The following USP15 variants were observed in gnomAD, a reference collection of about 807,000 sequenced individuals.
USP15 encodes the protein ubiquitin carboxyl-terminal hydrolase 15.
Under a neutral mutation model 127.1 loss-of-function variants are expected in USP15, and 18 were observed. That is an observed-to-expected ratio of 0.14 (90% confidence interval 0.10 to 0.21). USP15 has a LOEUF of 0.21. USP15 is among the 10% of genes least tolerant of loss of function. The pLI is 1.00. For synonymous variants in USP15, 364 were observed against 393.7 expected (o/e 0.92, Z 0.89); for missense variants, 805 against 1,159.9 (o/e 0.69, Z 4.44).
rs190745516 is a variant in USP15, at chr12:62,280,735, G to C, written c.90-13444G>C. Among the ~76,000 whole-genome samples the C allele has an allele frequency of 4.1e-3, 620 of 152,210 alleles. 7 individuals carry two copies. Among genetic ancestry groups the C allele is most frequent in the Middle Eastern group, 0.01 (3 of 294 alleles). On this transcript the variant is annotated intron_variant, in intron 1 of 21. Coordinates refer to ENST00000280377, the MANE Select transcript of USP15 (RefSeq NM_001252078.2). ...TTGAAAAGAATAAGGGAATTTTCTAGGTAGAAGGGGTTATGAGGCAGAAAA... is the reference window on the plus strand; with the variant it reads ...TTGAAAAGAATAAGGGAATTTTCTACGTAGAAGGGGTTATGAGGCAGAAAA...
In USP15 at chr12:62,260,475, A is replaced by G; in HGVS notation, c.61A>G (p.Lys21Glu). ...TQRSDIATLL[K>E]TSLRKGDTWY... ...GCGGTCTGACATCGCGACGCTGCTC[A>G]AAACCTCGCTCCGGAAAGGGGACAC... The change falls in exon 1 of 22, where the codon AAA becomes GAA. Residue 21 changes from lysine (K) to glutamate (E), a missense_variant. Coordinates refer to ENST00000280377, the MANE Select transcript of USP15 (RefSeq NM_001252078.2). 1 of 1,551,804 alleles carries G rather than the reference A, an allele frequency of 6.4e-7. No individual in the cohort carries two copies. The highest frequency in any genetic ancestry group is 8.7e-7 in the Non-Finnish European group (1 of 1,147,414).
intron 2 of USP15, among the ~76,000 whole-genome samples, chr12:62,301,550 A>G (rs1015820481): frequency 3.9e-5 from 6 of 152,288 alleles, no homozygotes; most frequent in Non-Finnish European, 8.8e-5. Context: ...GATAGATCTC[A>G]AAATAATTAC....
chr12:62,390,807 T>C (rs1206039797), intron 14 of USP15, 57 bp from the exon 15 acceptor site: 2 of 1,333,276 alleles, frequency 1.5e-6, no homozygotes, highest in Admixed American at 2.2e-5. Context: ...AGGAAAACTT[T>C]TTAAAAGTTT....
intron 6 of USP15, among the ~76,000 whole-genome samples, chr12:62,340,133 A>G (rs1262742313): frequency 6.6e-6 from 1 of 152,072 alleles, no homozygotes; most frequent in Non-Finnish European, 1.5e-5. Flanking sequence ...TGTGTCCAGG[A>G]ATTTATCCGT....
intron 2 of USP15, among the ~76,000 whole-genome samples, chr12:62,295,582 C>G (rs1253236694): frequency 6.6e-6 from 1 of 152,074 alleles, no homozygotes; most frequent in East Asian, 1.9e-4. Flanking sequence ...CAAATCTCCC[C>G]CACAAGACAT....
intron 1 of USP15, among the ~76,000 whole-genome samples, chr12:62,287,588 A>AT (rs1019750174): frequency 2.6e-5 from 4 of 151,938 alleles, no homozygotes; most frequent in Non-Finnish European, 5.9e-5. Context: ...ACTTTTGTCT[A>AT]TTTTTGTTTT....
rs1348605607 is a variant in USP15 at position 62,415,776 on chromosome 12, C to T, written c.*11401C>T. ...TATAAGGAAACCAAATCCCCATTCA[C>T]TTAAGCCATCCACTCCTACCACTGT... On this transcript the variant is annotated 3_prime_UTR_variant, in exon 22 of 22. Transcript: ENST00000280377. The T allele has an allele frequency of 1.3e-5, 2 of 152,192 alleles. No homozygotes were observed. The highest frequency in any genetic ancestry group is 2.9e-5 in the Non-Finnish European group (2 of 68,046). 9.4% of individuals were successfully genotyped at this position (152,192 alleles called of 1,614,324 possible).
chr12:62,381,692 G>T (rs1426679672), intron 9 of USP15, 29 bp downstream of exon 9: 1 of 1,591,210 alleles, frequency 6.3e-7, no homozygotes, highest in South Asian at 1.1e-5. Context: ...TTTTAGCAAG[G>T]GTACCTGCAA....
chr12:62,329,105 TGAATAGTA>T (rs2065210930), intron 6 of USP15, among the ~76,000 whole-genome samples: 1 of 152,166 alleles, frequency 6.6e-6, no homozygotes, highest in African/African-American at 2.4e-5. Flanking sequence ...TTATATTTAG[TGAATAGTA>T]GGCTGGGCAT....
intron 2 of USP15, among the ~76,000 whole-genome samples, chr12:62,296,030 C>T (rs1592523418): frequency 6.6e-6 from 1 of 152,190 alleles, no homozygotes; most frequent in Admixed American, 6.5e-5. Flanking sequence ...TTCAGAGATG[C>T]ATGAAAGAGG....
intron 6 of USP15, among the ~76,000 whole-genome samples, chr12:62,348,039 C>CA (rs923897156): frequency 7.3e-5 from 11 of 151,358 alleles, no homozygotes; most frequent in East Asian, 3.9e-4. Flanking sequence ...TCTGTCTCTG[C>CA]AAAAAAAATT....
chr12:62,275,750 A>G (rs564367197), intron 1 of USP15, among the ~76,000 whole-genome samples: 1 of 152,212 alleles, frequency 6.6e-6, no homozygotes, highest in South Asian at 2.1e-4. Context: ...CTGGGATTTG[A>G]GGAAGATTAC....
At chr12:62,349,048 T>C (rs1003908124) in intron 6 of USP15, among the ~76,000 whole-genome samples, 173 bp from the exon 7 acceptor site, 4 of 152,256 alleles carry the variant, frequency 2.6e-5, no homozygotes, top group African/African-American at 9.6e-5. Flanking sequence ...TTTATGTTTT[T>C]ATAAGGAATA....
intron 6 of USP15, among the ~76,000 whole-genome samples, chr12:62,340,643 G>A (rs926675456): frequency 2.6e-5 from 4 of 152,052 alleles, no homozygotes; most frequent in African/African-American, 4.8e-5. Flanking sequence ...ACTTACTCAG[G>A]AGTCATTCAG....
rs758787879 is a variant in USP15, at chr12:62,355,337, A to G, written c.777A>G (p.Lys259=). 24 of 1,586,386 alleles carry G rather than the reference A, an allele frequency of 1.5e-5. No homozygotes were observed. The highest frequency in any genetic ancestry group is 2.0e-5 in the Non-Finnish European group (23 of 1,170,246). ...NYNNMNNRNV[K]NSNYCLPSYT... is the part of the protein sequence containing the mutation. The stretch of plus-strand genomic sequence containing the variant: ...AAAATTTTTTTTCTTCCAGTGTGAA[A>G]AACTCAAATTACTGTCTTCCATCAT... The change falls in exon 8 of 22, where the codon AAA becomes AAG. Residue 259 remains lysine (K), a synonymous_variant. Transcript: ENST00000280377.
chr12:62,314,662 C>G, intron 3 of USP15, 128 bp from the exon 4 acceptor site: 1 of 889,430 alleles, frequency 1.1e-6, no homozygotes, highest in Non-Finnish European at 1.5e-6. Context: ...TATATATTGG[C>G]AGGCTTTAAT....
chr12:62,396,184 A>AT (rs1340449852), intron 19 of USP15, 111 bp from the exon 20 acceptor site: 16 of 576,026 alleles, frequency 2.8e-5, no homozygotes, highest in Non-Finnish European at 4.5e-5. Flanking sequence ...ATATATATAG[A>AT]TGGATAGATA....
intron 8 of USP15, among the ~76,000 whole-genome samples, chr12:62,359,098 A>G (rs1177968131): frequency 6.6e-6 from 1 of 152,118 alleles, no homozygotes; most frequent in Non-Finnish European, 1.5e-5. Flanking sequence ...CCAATATTTA[A>G]GTAGATATGG....
At chr12:62,360,562 AC>A (rs2066283614) in intron 8 of USP15, among the ~76,000 whole-genome samples, 1 of 152,040 alleles carries the variant, frequency 6.6e-6, no homozygotes, top group African/African-American at 2.4e-5. Context: ...GCCTACTCTT[AC>A]CTTGAGACTT....
Sources: gnomAD v4.1 joint callset for allele counts (sites outside exome capture counted in the v4.1 genomes callset) on GRCh38, gnomAD v4.1.1 for gene constraint, MANE v1.5 for transcripts, NCBI Gene and HGNC (gene_info 2026-07-23, HGNC 2026-07-21) for gene names.